The following PRH1 variants were observed in gnomAD, a reference collection of about 807,000 sequenced individuals.
PRH1 encodes proline rich protein HaeIII subfamily 1.
Under a neutral mutation model 7.9 loss-of-function variants are expected in PRH1, and 7 were observed. The observed-to-expected ratio is 0.89, with a 90% confidence interval of 0.50 to 1.67. The LOEUF (loss-of-function observed/expected upper bound fraction) is 1.67, where lower values mean the gene tolerates loss of function less well. PRH1 is among the 40% of genes most tolerant of loss of function. The pLI, the probability that PRH1 is intolerant of heterozygous loss-of-function variation, is 0.00. For missense variants in PRH1, 109 were observed against 223.6 expected (o/e 0.49, Z 3.27); for synonymous variants, 45 against 80.8 (o/e 0.56, Z 2.38).
At chr12:11,137,044 T>C (rs930108483) in intron 1 of PRH1, among the ~76,000 whole-genome samples, 1 of 152,186 alleles carries the variant, frequency 6.6e-6, no homozygotes, top group African/African-American at 2.4e-5. Flanking sequence ...AAACCGGAAA[T>C]TGATTTGATG....
chr12:11,081,167 T>C (rs1342433008), intron 1 of PRH1, among the ~76,000 whole-genome samples: 1 of 132,470 alleles, frequency 7.5e-6, no homozygotes, highest in Admixed American at 7.6e-5. Flanking sequence ...ACCCTCTAGC[T>C]TTGTATATTT....
At chr12:11,020,363 G>GAT (rs71051554) in intron 1 of PRH1, among the ~76,000 whole-genome samples, 2,236 of 87,522 alleles carry the variant, frequency 0.026, 147 homozygotes, top group East Asian at 0.18. Context: ...TATGATAAGC[G>GAT]ATATATATAT....
At chr12:11,161,522 G>A (rs549377666) in intron 1 of PRH1, among the ~76,000 whole-genome samples, 1 of 152,262 alleles carries the variant, frequency 6.6e-6, no homozygotes, top group African/African-American at 2.4e-5. Context: ...TAGGGGAAGT[G>A]GTTGATGAAA....
rs1388537897 is a variant in PRH1, at chr12:11,168,341, A to AAGGG, written n.39+3077_39+3080dup. 3.2e-5 allele frequency among the ~76,000 whole-genome samples: 2 copies of AAGGG among 62,768 alleles called. 1 individual carries two copies. Among genetic ancestry groups the AAGGG allele is most frequent in the African/African-American group, 1.0e-4 (2 of 19,886 alleles). 41.2% of individuals were successfully genotyped at this position (62,768 alleles called of 152,430 possible). ...GAAGGAAGGAAGGAAGGAAGGAAGG[A>AAGGG]AGGGAAAGAAAGGAAAGAAAAGAAA... is the stretch of plus-strand genomic sequence containing the variant. On this transcript the variant is annotated intron_variant and non_coding_transcript_variant, in intron 1 of 1. Coordinates refer to the PRH1 transcript ENST00000541175.
At chr12:10,985,969 T>C (rs1407392444) in intron 1 of PRH1, 2 of 1,610,524 alleles carry the variant, frequency 1.2e-6, no homozygotes, top group Admixed American at 1.7e-5. Context: ...ACTCAGCACC[T>C]AATCTGACAC....
intron 2 of PRH1, among the ~76,000 whole-genome samples, chr12:10,961,381 G>C (rs1938228160): frequency 6.6e-6 from 1 of 150,980 alleles, no homozygotes; most frequent in Non-Finnish European, 1.5e-5. Context: ...CAGGTTCATT[G>C]CTGCTAATAC....
intron 1 of PRH1, chr12:11,021,490 T>C (rs1941624737): frequency 1.9e-6 from 1 of 530,798 alleles, no homozygotes; most frequent in Admixed American, 3.4e-5. Flanking sequence ...TGCACACATA[T>C]ACACCCATAA....
intron 1 of PRH1, among the ~76,000 whole-genome samples, chr12:11,124,248 T>C (rs74525471): frequency 7.6e-6 from 1 of 130,950 alleles, no homozygotes; most frequent in Non-Finnish European, 1.7e-5. Flanking sequence ...AGCTATGTCA[T>C]TGTATTCCAT....
chr12:10,915,252 GAC>G (rs1949957626), intron 2 of PRH1, among the ~76,000 whole-genome samples: 1 of 152,220 alleles, frequency 6.6e-6, no homozygotes, highest in African/African-American at 2.4e-5. Flanking sequence ...AGGTTCAACT[GAC>G]AGTTACTGCT....
intron 1 of PRH1, among the ~76,000 whole-genome samples, chr12:10,999,112 A>C (rs1190150040): frequency 6.6e-6 from 1 of 152,138 alleles, no homozygotes; most frequent in East Asian, 1.9e-4. Context: ...AAGAAAACAG[A>C]ATCCAAAAAC....
rs78330304 is a variant in PRH1 at position 11,089,269 on chromosome 12, G to T, written n.124-42081C>A. On this transcript the variant is annotated intron_variant and non_coding_transcript_variant, in intron 1 of 4. Transcript: ENST00000541977. ...ACCACCACCAAGGGACTGGATGATG[G>T]AAGACAGAACAACAGAGATGATAGT... Among the ~76,000 whole-genome samples, 4 of 116,050 alleles carry T rather than the reference G, an allele frequency of 3.4e-5. 1 individual carries two copies. Among genetic ancestry groups the T allele is most frequent in the East Asian group, 2.1e-4 (1 of 4,752 alleles). The allele number at this position is 116,050 out of a possible 152,430, so 76.1% of individuals were successfully genotyped here. A position where few individuals can be genotyped will look rare whatever the true frequency, so the allele number is the denominator to read the frequency against.
chr12:11,171,267 C>T (rs1361975938), intron 1 of PRH1: 1 of 864,098 alleles, frequency 1.2e-6, no homozygotes, highest in Non-Finnish European at 1.5e-6. Context: ...CTTTGCTTAC[C>T]GTCCTGCCGG....
At chr12:11,137,180 C>G (rs1455314642) in intron 1 of PRH1, among the ~76,000 whole-genome samples, 5 of 151,736 alleles carry the variant, frequency 3.3e-5, no homozygotes, top group Admixed American at 6.6e-5. Flanking sequence ...AATATAGTAT[C>G]TCAACCACAG....
chr12:10,929,404 GA>G (rs1950170174), intron 2 of PRH1: 24 of 1,588,132 alleles, frequency 1.5e-5, no homozygotes, highest in Non-Finnish European at 2.1e-5. Context: ...TATAGAGGGG[GA>G]AAGTGGAGGG....
At chr12:11,006,601 G>A (rs1421678129) in intron 1 of PRH1, among the ~76,000 whole-genome samples, 1 of 151,866 alleles carries the variant, frequency 6.6e-6, no homozygotes, top group African/African-American at 2.4e-5. Context: ...AACACACAGA[G>A]TTGACAAAAT....
intron 2 of PRH1, among the ~76,000 whole-genome samples, chr12:10,955,072 A>G (rs1591723247): frequency 1.3e-5 from 2 of 152,310 alleles, no homozygotes; most frequent in East Asian, 3.9e-4. Flanking sequence ...TAGACACTTA[A>G]CCAAATGAAC....
At chr12:10,960,006 T>C (rs1938160462) in intron 2 of PRH1, among the ~76,000 whole-genome samples, 1 of 152,144 alleles carries the variant, frequency 6.6e-6, no homozygotes, top group South Asian at 2.1e-4. Context: ...ATGTTGCTAA[T>C]AGAGCATGCA....
intron 1 of PRH1, among the ~76,000 whole-genome samples, chr12:11,045,715 C>G (rs1422517798): frequency 6.6e-6 from 1 of 152,018 alleles, no homozygotes; most frequent in Non-Finnish European, 1.5e-5. Flanking sequence ...ATGAAAAACT[C>G]CACATATTGA....
chr12:10,997,218 T>C, intron 1 of PRH1: 1 of 1,614,142 alleles, frequency 6.2e-7, no homozygotes, highest in Non-Finnish European at 8.5e-7. Context: ...ATCTTGGTGC[T>C]GGGATCTTGA....
Sources: allele counts gnomAD v4.1 joint callset (sites outside exome capture counted in the v4.1 genomes callset), GRCh38; gene constraint gnomAD v4.1.1; transcripts MANE v1.5; gene names NCBI Gene and HGNC (gene_info 2026-07-23, HGNC 2026-07-21).